HDAC8: variants seen among roughly 807,000 people sequenced by gnomAD.
HDAC8 encodes histone deacetylase 8.
Under a neutral mutation model 32.2 loss-of-function variants are expected in HDAC8, and 1 was observed. The observed-to-expected ratio is 0.03, with a 90% confidence interval of 0.01 to 0.15. HDAC8 has a LOEUF of 0.15. Ranked by LOEUF, HDAC8 falls within the 10% of genes least tolerant of loss-of-function variation. The probability of loss-of-function intolerance (pLI) is 1.00; values close to 1 mark genes in which losing one functional copy is unlikely to be tolerated. For missense variants in HDAC8, 117 were observed against 300.0 expected (o/e 0.39, Z 4.51); for synonymous variants, 108 against 113.9 (o/e 0.95, Z 0.33).
intron 9 of HDAC8, among the ~76,000 whole-genome samples, chrX:72,441,099 G>A (rs1309428837): frequency 2.7e-5 from 3 of 112,946 alleles, no homozygotes; most frequent in African/African-American, 9.6e-5. Context: ...CTCCACCTCC[G>A]GGGGCAGGGC....
At chrX:72,345,688 ATTT>A (rs1303668458) in intron 10 of HDAC8, among the ~76,000 whole-genome samples, 3 of 110,336 alleles carry the variant, frequency 2.7e-5, no homozygotes, top group African/African-American at 9.9e-5. Context: ...ATTAAAAAAA[ATTT>A]TTTTTTGTAG....
chrX:72,459,897 G>T (rs781867656), intron 9 of HDAC8, among the ~76,000 whole-genome samples: 1 of 112,110 alleles, frequency 8.9e-6, no homozygotes, highest in African/African-American at 3.2e-5. Flanking sequence ...GAACTTATAT[G>T]ACTTCACACT....
At chrX:72,437,966 T>A (rs2047002013) in intron 9 of HDAC8, among the ~76,000 whole-genome samples, 2 of 111,937 alleles carry the variant, frequency 1.8e-5, no homozygotes, top group African/African-American at 6.5e-5. Flanking sequence ...GAGCAGTGGG[T>A]CTCCCAACAC....
intron 10 of HDAC8, among the ~76,000 whole-genome samples, chrX:72,351,089 G>A (rs964694002): frequency 1.1e-4 from 12 of 111,100 alleles, no homozygotes; most frequent in African/African-American, 3.3e-5. Flanking sequence ...CCCCTGCTAA[G>A]TCTGAATTGA....
At chrX:72,361,230 T>C (rs2044540214) in intron 9 of HDAC8, among the ~76,000 whole-genome samples, 1 of 112,012 alleles carries the variant, frequency 8.9e-6, no homozygotes, top group Admixed American at 9.5e-5. Flanking sequence ...CACCAGTGCA[T>C]GGTCGTGCCA....
chrX:72,567,488 G>A, intron 4 of HDAC8: 1 of 358,673 alleles, frequency 2.8e-6, no homozygotes, highest in South Asian at 5.6e-5. Flanking sequence ...AACTAATGTT[G>A]TTCTCTATTC....
intron 7 of HDAC8, chrX:72,474,553 A>G: frequency 8.7e-7 from 1 of 1,155,343 alleles, no homozygotes; most frequent in Non-Finnish European, 1.2e-6. Flanking sequence ...TCTTTATACT[A>G]CATTAGTAAC....
intron 7 of HDAC8, among the ~76,000 whole-genome samples, chrX:72,483,222 A>G (rs2048564338): frequency 9.0e-6 from 1 of 111,627 alleles, no homozygotes; most frequent in Non-Finnish European, 1.9e-5. Context: ...CCCTATTGAT[A>G]TAGTTTGAAT....
intron 10 of HDAC8, among the ~76,000 whole-genome samples, chrX:72,344,261 A>T (rs1163392305): frequency 8.9e-6 from 1 of 111,849 alleles, no homozygotes; most frequent in Non-Finnish European, 1.9e-5. Context: ...TGAAAAATAC[A>T]GAAACAGCAT....
At chrX:72,499,333 C>G (rs782168272) in intron 4 of HDAC8, among the ~76,000 whole-genome samples, 1 of 111,728 alleles carries the variant, frequency 9.0e-6, no homozygotes, top group African/African-American at 3.3e-5. Flanking sequence ...AATATACACT[C>G]TTCTCATTGC....
At chrX:72,359,267 G>GTT (rs782426719) in intron 9 of HDAC8, among the ~76,000 whole-genome samples, 2 of 103,744 alleles carry the variant, frequency 1.9e-5, no homozygotes, top group Admixed American at 1.0e-4. Context: ...GAAGAATACT[G>GTT]TTTTTTTTTT....
chrX:72,357,511 C>T (rs1569238854), intron 9 of HDAC8, among the ~76,000 whole-genome samples: 2 of 110,299 alleles, frequency 1.8e-5, no homozygotes, highest in African/African-American at 3.3e-5. Context: ...ACAGTTCTGG[C>T]GACAATTTGA....
intron 6 of HDAC8, 94 bp downstream of exon 6, chrX:72,490,835 C>A: frequency 4.7e-6 from 3 of 643,698 alleles, no homozygotes; most frequent in South Asian, 3.1e-5. Context: ...GGCAGTAAGG[C>A]ATTAACAGCA....
chrX:72,474,134 A>G, intron 7 of HDAC8: 1 of 751,211 alleles, frequency 1.3e-6, no homozygotes, highest in Non-Finnish European at 1.6e-6. Context: ...TAGAGTAATT[A>G]GCTACCCTTT....
At chrX:72,457,031 G>C (rs1224431259) in intron 9 of HDAC8, among the ~76,000 whole-genome samples, 1 of 110,898 alleles carries the variant, frequency 9.0e-6, no homozygotes, top group Non-Finnish European at 1.9e-5. Context: ...GACCAAGCAG[G>C]GTTTATTCCA....
chrX:72,522,153 C>A (rs1414092647), intron 4 of HDAC8, among the ~76,000 whole-genome samples: 2 of 112,023 alleles, frequency 1.8e-5, no homozygotes, highest in African/African-American at 6.5e-5. Context: ...GCCACTAAAC[C>A]TCTCTGAACC....
chrX:72,343,231 G>A (rs782768773), intron 10 of HDAC8, among the ~76,000 whole-genome samples: 7 of 108,636 alleles, frequency 6.4e-5, no homozygotes, highest in African/African-American at 6.7e-5. Flanking sequence ...GTGCAGTAGT[G>A]CAATCATGGC....
intron 10 of HDAC8, among the ~76,000 whole-genome samples, chrX:72,347,599 G>C (rs2044065081): frequency 8.9e-6 from 1 of 111,842 alleles, no homozygotes; most frequent in African/African-American, 3.3e-5. Flanking sequence ...AGACCAGAAA[G>C]CCTCCTACCT....
intron 7 of HDAC8, chrX:72,474,726 G>A (rs782636457): frequency 1.6e-5 from 18 of 1,154,016 alleles, no homozygotes; most frequent in South Asian, 9.5e-5. Flanking sequence ...CAGGAGGTTC[G>A]TACCTGAGGA....
Sources: allele counts gnomAD v4.1 joint callset (sites outside exome capture counted in the v4.1 genomes callset), GRCh38; gene constraint gnomAD v4.1.1; transcripts MANE v1.5; gene names NCBI Gene and HGNC (gene_info 2026-07-23, HGNC 2026-07-21).